The following TMEM132C variants were observed in gnomAD, a reference collection of about 807,000 sequenced individuals.
The protein encoded by TMEM132C is protein phosphatase 1, regulatory subunit 152.
In TMEM132C, 29 loss-of-function variants were observed where a neutral mutation model predicts 61.4. The ratio of observed to expected loss-of-function variants is 0.47; its 90% CI spans 0.35 to 0.64. The LOEUF (loss-of-function observed/expected upper bound fraction) is 0.64, where lower values mean the gene tolerates loss of function less well. Among genes scored for constraint, TMEM132C ranks in the 30% least tolerant of loss-of-function variants. TMEM132C has a pLI of 0.00. For missense variants in TMEM132C, 1,408 were observed against 1,476.9 expected (o/e 0.95, Z 0.76); for synonymous variants, 656 against 633.1 (o/e 1.04, Z -0.54).
chr12:128,665,845 G>GCA (rs61721549), intron 4 of TMEM132C, among the ~76,000 whole-genome samples: 46,014 of 91,972 alleles, frequency 0.5, 9,759 homozygotes, highest in African/African-American at 0.51. Flanking sequence ...ACAAACACAG[G>GCA]CACACACACA....
At chr12:128,396,012 T>C (rs2136004658) in intron 1 of TMEM132C, among the ~76,000 whole-genome samples, 1 of 152,362 alleles carries the variant, frequency 6.6e-6, no homozygotes, top group East Asian at 1.9e-4. Flanking sequence ...GTCGTGGTCA[T>C]AGGCATGAAG....
At chr12:128,539,578 A>G (rs1873662739) in intron 2 of TMEM132C, among the ~76,000 whole-genome samples, 1 of 152,170 alleles carries the variant, frequency 6.6e-6, no homozygotes, top group Admixed American at 6.5e-5. Context: ...AGATGGCGCC[A>G]TTGCACTCCA....
chr12:128,437,441 C>T (rs961844452), intron 2 of TMEM132C, among the ~76,000 whole-genome samples: 16 of 152,310 alleles, frequency 1.1e-4, no homozygotes, highest in African/African-American at 3.8e-4. Context: ...TTCCTCTGTA[C>T]TTACCCAGGA....
chr12:128,458,898 T>G (rs1457799240), intron 2 of TMEM132C, among the ~76,000 whole-genome samples: 1 of 152,210 alleles, frequency 6.6e-6, no homozygotes, highest in Non-Finnish European at 1.5e-5. Flanking sequence ...GACACCTGTC[T>G]GCAAGGGAGG....
At chr12:128,580,704 G>T (rs1193455999) in intron 3 of TMEM132C, among the ~76,000 whole-genome samples, 1 of 152,174 alleles carries the variant, frequency 6.6e-6, no homozygotes, top group Non-Finnish European at 1.5e-5. Flanking sequence ...GAAGGAGTAT[G>T]ATTTTTCTTA....
intron 2 of TMEM132C, among the ~76,000 whole-genome samples, chr12:128,444,221 G>T (rs986372538): frequency 1.3e-5 from 2 of 152,246 alleles, no homozygotes; most frequent in African/African-American, 2.4e-5. Context: ...CGCCCAGCCC[G>T]ATCTCTCCTT....
Position 128,706,297 on chromosome 12 carries a change from C to A in TMEM132C, c.*2C>A, listed in dbSNP as rs1360003314. The A allele has an allele frequency of 3.3e-6, 5 of 1,515,098 alleles. No homozygotes were observed. The highest frequency in any genetic ancestry group is 8.9e-7 in the Non-Finnish European group (1 of 1,128,656). The allele number at this position is 1,515,098 out of a possible 1,614,324, so 93.9% of individuals were successfully genotyped here. A position where few individuals can be genotyped will look rare whatever the true frequency, so the allele number is the denominator to read the frequency against. ...GAGAAACTCAAAGATAAGGCTTAGG[C>A]CCCTCTAGCCAAAGGGCCCTGCCCA... On this transcript the variant is annotated 3_prime_UTR_variant, in exon 9 of 9. Transcript: ENST00000435159.
chr12:128,327,648 G>T (rs138442826), intron 1 of TMEM132C, among the ~76,000 whole-genome samples: 5,445 of 152,192 alleles, frequency 0.036, 331 homozygotes, highest in African/African-American at 0.12. Flanking sequence ...CTCCCAAAGT[G>T]CTGGGATTAC....
chr12:128,693,893 T>C lies in TMEM132C; in HGVS notation c.1514T>C (p.Val505Ala), dbSNP rs1232527519. The C allele has an allele frequency of 5.2e-6, 8 of 1,551,736 alleles. No homozygotes were observed. The highest frequency in any genetic ancestry group is 7.0e-6 in the Non-Finnish European group (8 of 1,147,018). Reference sequence around the variant, plus strand: ...GAGATCAAAGGAAAGATGGATGCGGTGGTGAACTTCACATACCAGTACCTG... The same window carrying C: ...GAGATCAAAGGAAAGATGGATGCGGCGGTGAACTTCACATACCAGTACCTG... ...GKEIKGKMDA[V>A]VNFTYQYLSA... Residue 505 changes from valine to alanine, a missense_variant, in exon 6 of 9, where the codon GTG becomes GCG. By Grantham distance (64) the Val-to-Ala change is moderately conservative. Transcript: ENST00000435159.
chr12:128,664,155 C>T lies in TMEM132C; in HGVS notation c.1306-5262C>T, dbSNP rs574369888. 1.2e-4 allele frequency among the ~76,000 whole-genome samples: 17 copies of T among 142,344 alleles called. No homozygotes were observed. The South Asian group carries it at 2.2e-3, about 19-fold the overall frequency. 93.4% of individuals were successfully genotyped at this position (142,344 alleles called of 152,430 possible). A position where few individuals can be genotyped will look rare whatever the true frequency, so the allele number is the denominator to read the frequency against. On this transcript the variant is annotated intron_variant, in intron 4 of 8. Transcript: ENST00000435159. ...GCACTCACACAGGCACACACACATG[C>T]GCACAGGCACACGCACCCACACGCA...
At chr12:128,581,807 C>T (rs576030429) in intron 3 of TMEM132C, among the ~76,000 whole-genome samples, 38 of 152,206 alleles carry the variant, frequency 2.5e-4, no homozygotes, top group African/African-American at 5.5e-4. Flanking sequence ...TCAGATTCCC[C>T]GAAGAGATGT....
intron 2 of TMEM132C, among the ~76,000 whole-genome samples, chr12:128,534,873 G>C (rs994482326): frequency 2.0e-5 from 3 of 152,178 alleles, no homozygotes; most frequent in African/African-American, 7.2e-5. Context: ...TGCACCAGTT[G>C]GTGAGAATCC....
At chr12:128,267,728 C>A (rs1046790963) in intron 1 of TMEM132C, among the ~76,000 whole-genome samples, 1 of 152,214 alleles carries the variant, frequency 6.6e-6, no homozygotes, top group African/African-American at 2.4e-5. Flanking sequence ...ACCCCGGACC[C>A]CCCAGACCCA....
intron 3 of TMEM132C, among the ~76,000 whole-genome samples, chr12:128,544,860 C>G (rs1565969544): frequency 6.6e-6 from 1 of 152,224 alleles, no homozygotes; most frequent in Non-Finnish European, 1.5e-5. Context: ...AAATATTCCT[C>G]AAAAACATTC....
At chr12:128,534,776 A>T (rs140931151) in intron 2 of TMEM132C, among the ~76,000 whole-genome samples, 16 of 152,356 alleles carry the variant, frequency 1.1e-4, no homozygotes, top group Non-Finnish European at 2.1e-4. Flanking sequence ...AAAATGCCCG[A>T]TTAACACAAT....
rs1200824648 is a variant in TMEM132C, at chr12:128,705,830, C to G, written c.2862C>G (p.His954Gln). 1 of 1,551,574 alleles carries G rather than the reference C, an allele frequency of 6.4e-7. No individual in the cohort carries two copies. The change falls in exon 9 of 9, where the codon CAC (histidine) becomes CAG (glutamine). Residue 954 changes from histidine to glutamine, a missense_variant. By Grantham distance (24) the His-to-Gln change is conservative. Transcript: ENST00000435159. The part of the protein sequence containing the change: ...NCATFALKYR[H>Q]KQVPLEGQAS... ...CCACCTTTGCCCTGAAGTACAGGCA[C>G]AAGCAAGTGCCCCTGGAAGGTCAGG...
intron 2 of TMEM132C, among the ~76,000 whole-genome samples, chr12:128,461,941 C>T (rs766759403): frequency 4.6e-5 from 7 of 152,138 alleles, no homozygotes; most frequent in Admixed American, 6.5e-5. Context: ...TCATTCTAAC[C>T]GCAAAAGCTT....
intron 2 of TMEM132C, among the ~76,000 whole-genome samples, chr12:128,514,447 T>C (rs1025092553): frequency 2.0e-5 from 3 of 152,194 alleles, no homozygotes; most frequent in Non-Finnish European, 4.4e-5. Context: ...GATACTGGAC[T>C]TTCTTACATT....
intron 4 of TMEM132C, among the ~76,000 whole-genome samples, chr12:128,625,484 ACAGTT>A (rs1954005836): frequency 6.6e-6 from 1 of 152,222 alleles, no homozygotes; most frequent in East Asian, 1.9e-4. Context: ...TAATGGACTT[ACAGTT>A]CCACATGGCT....
Sources: gnomAD v4.1 joint callset for allele counts (sites outside exome capture counted in the v4.1 genomes callset) on GRCh38, gnomAD v4.1.1 for gene constraint, MANE v1.5 for transcripts, NCBI Gene and HGNC (gene_info 2026-07-23, HGNC 2026-07-21) for gene names.